CELA1: variants seen among roughly 807,000 people sequenced by gnomAD.
CELA1 encodes the protein chymotrypsin like elastase 1, also known as chymotrypsin-like elastase family member 1.
In CELA1, 28 loss-of-function variants were observed where a neutral mutation model predicts 34.8. The observed-to-expected ratio is 0.80, with a 90% confidence interval of 0.60 to 1.10. The LOEUF is 1.10. CELA1 is among the 50% of genes least tolerant of loss of function. CELA1 has a pLI of 0.00. For synonymous variants in CELA1, 140 were observed against 129.8 expected (o/e 1.08, Z -0.53); for missense variants, 288 against 327.5 (o/e 0.88, Z 0.93).
intron 6 of CELA1, among the ~76,000 whole-genome samples, chr12:51,339,603 C>A (rs1275466255): frequency 6.6e-6 from 1 of 152,140 alleles, no homozygotes; most frequent in South Asian, 2.1e-4. Context: ...ATACCAACAA[C>A]AACATATAAA....
At chr12:51,340,515 G>A (rs1469322351) in intron 5 of CELA1, among the ~76,000 whole-genome samples, 1 of 151,150 alleles carries the variant, frequency 6.6e-6, no homozygotes, top group African/African-American at 2.4e-5. Flanking sequence ...TCAGCCTGCC[G>A]AGTAGCTGGG....
At position 51,340,007 on chromosome 12, in the gene CELA1, T is replaced by C; in HGVS notation, c.464-2A>G. 1.2e-6 allele frequency: 2 copies of C among 1,612,904 alleles called. No homozygotes were observed. The highest frequency in any genetic ancestry group is 1.7e-6 in the Non-Finnish European group (2 of 1,179,448). On this transcript the variant is annotated splice_acceptor_variant, in intron 5 of 7. Coordinates refer to ENST00000293636, the MANE Select transcript of CELA1 (RefSeq NM_001971.6). LOFTEE classifies it high-confidence loss of function. ...GGGTCTGGGCCAGCTGCCCATTGGCTGAACAGGACACACGGCATTGGCAGT... is the reference window on the plus strand; with the variant it reads ...GGGTCTGGGCCAGCTGCCCATTGGCCGAACAGGACACACGGCATTGGCAGT...
At chr12:51,337,520 G>C (rs1225288535) in intron 6 of CELA1, among the ~76,000 whole-genome samples, 3 of 107,852 alleles carry the variant, frequency 2.8e-5, no homozygotes, top group African/African-American at 3.7e-5. Flanking sequence ...CTGAGTGACA[G>C]AGCAAGACCT....
At chr12:51,337,861 T>C (rs1020153867) in intron 6 of CELA1, among the ~76,000 whole-genome samples, 7 of 147,964 alleles carry the variant, frequency 4.7e-5, no homozygotes, top group Admixed American at 1.4e-4. Context: ...AAGTGAACCA[T>C]GATGGTACAA....
At chr12:51,336,727 T>G (rs1005743139) in intron 6 of CELA1, among the ~76,000 whole-genome samples, 2 of 152,148 alleles carry the variant, frequency 1.3e-5, no homozygotes, top group Admixed American at 1.3e-4. Context: ...CTCATCATCT[T>G]CTCTCTCAAA....
intron 1 of CELA1, 62 bp from the exon 2 acceptor site, chr12:51,345,939 G>C (rs564811658): frequency 2.6e-6 from 3 of 1,148,664 alleles, no homozygotes; most frequent in African/African-American, 3.1e-5. Flanking sequence ...GGGTAGGGGT[G>C]GGGGGTGGCG....
chr12:51,345,388 C>T (rs1315582289), intron 2 of CELA1, among the ~76,000 whole-genome samples: 1 of 152,144 alleles, frequency 6.6e-6, no homozygotes, highest in African/African-American at 2.4e-5. Flanking sequence ...AAGCAGCATG[C>T]TGTACGTGTG....
intron 3 of CELA1, among the ~76,000 whole-genome samples, chr12:51,343,428 G>A (rs1421137319): frequency 2.0e-5 from 3 of 152,182 alleles, no homozygotes; most frequent in African/African-American, 4.8e-5. Context: ...GTCAGACATT[G>A]ACTAGGCACT....
intron 2 of CELA1, among the ~76,000 whole-genome samples, chr12:51,345,393 C>CGTGTGT (rs149535487): frequency 2.7e-4 from 41 of 150,812 alleles, no homozygotes; most frequent in African/African-American, 6.3e-4. Flanking sequence ...GCATGCTGTA[C>CGTGTGT]GTGTGTGTGT....
chr12:51,343,914 G>T, intron 2 of CELA1, 61 bp from the exon 3 acceptor site: 1 of 875,470 alleles, frequency 1.1e-6, no homozygotes, highest in Non-Finnish European at 1.9e-6. Flanking sequence ...TTTGCCCCAG[G>T]TCGGTTGCAG....
At chr12:51,330,184 G>A (rs182442654) in intron 6 of CELA1, among the ~76,000 whole-genome samples, 4 of 152,174 alleles carry the variant, frequency 2.6e-5, no homozygotes, top group Admixed American at 1.3e-4. Flanking sequence ...AAGTTCAATC[G>A]CTTTTATTGG....
intron 6 of CELA1, among the ~76,000 whole-genome samples, chr12:51,338,251 A>ACATAC (rs1409272839): frequency 1.9e-4 from 12 of 64,134 alleles, no homozygotes; most frequent in South Asian, 4.4e-4. Context: ...AAAAAAAAAA[A>ACATAC]ACATACACAC....
chr12:51,345,648 C>T (rs1946561141), intron 2 of CELA1, 147 bp downstream of exon 2: 3 of 714,056 alleles, frequency 4.2e-6, no homozygotes, highest in South Asian at 3.2e-5. Flanking sequence ...ACCACCTAAG[C>T]CTGATCCCAT....
At chr12:51,339,272 T>C in intron 6 of CELA1, among the ~76,000 whole-genome samples, 1 of 144,202 alleles carries the variant, frequency 6.9e-6, no homozygotes, top group Non-Finnish European at 1.5e-5. Flanking sequence ...CAAATTTGGC[T>C]GGGCATGGTG....
chr12:51,330,523 A>G lies in CELA1; in HGVS notation c.610-690T>C, dbSNP rs17860356. On this transcript the variant is annotated intron_variant, in intron 6 of 7. Transcript: ENST00000293636. ...AAGATACTGACATTGGAGGTCCTCC[A>G]CTAAAATGGCCTAGCCAGATCACCT... Among the ~76,000 whole-genome samples, 250 of 152,340 alleles carry G rather than the reference A, an allele frequency of 1.6e-3. 1 individual carries two copies. Among genetic ancestry groups the G allele is most frequent in the Middle Eastern group, 3.4e-3 (1 of 294 alleles).
In CELA1 at chr12:51,345,864, C is replaced by G. The variant is rs17860287; in HGVS notation, c.30G>C (p.Gln10His). The G allele has an allele frequency of 0.097, 150,882 of 1,557,270 alleles. 7,707 individuals are homozygous for G. Among genetic ancestry groups the G allele is most frequent in the Non-Finnish European group, 0.11 (122,127 of 1,149,534 alleles). The change falls in exon 2 of 8, where the codon CAG becomes CAC. Residue 10 changes from glutamine (Q) to histidine (H), a missense_variant. Coordinates refer to ENST00000293636, the MANE Select transcript of CELA1 (RefSeq NM_001971.6). MLVLYGHSTQDLPETNARVV... is the reference protein window; with the variant it reads MLVLYGHSTHDLPETNARVV... ...CGCGGGCATTGGTTTCCGGAAGGTC[C>G]TGGGTGCTGTGTCCTTTGTGGGGCA... is the stretch of plus-strand genomic sequence containing the variant.
At chr12:51,342,784 T>A in intron 3 of CELA1, 84 bp from the exon 4 acceptor site, 1 of 1,316,978 alleles carries the variant, frequency 7.6e-7, no homozygotes, top group Non-Finnish European at 1.0e-6. Flanking sequence ...AAAAACCATC[T>A]TTTTTTTTAA....
intron 6 of CELA1, among the ~76,000 whole-genome samples, chr12:51,335,476 G>A (rs904227782): frequency 2.0e-5 from 3 of 151,062 alleles, no homozygotes; most frequent in Non-Finnish European, 3.0e-5. Context: ...GGCTGGTCTC[G>A]AACTCCTGAC....
chr12:51,344,379 C>T lies in CELA1; in HGVS notation c.100-526G>A, dbSNP rs2137484402. ...TGTAACTCCTTTTTTGGAACTCCTT[C>T]TACCTCTGTTCTCCCTTAAAGAGGA... is the stretch of plus-strand genomic sequence containing the variant. On this transcript the variant is annotated intron_variant, in intron 2 of 7. Transcript: ENST00000293636. Among the ~76,000 whole-genome samples the T allele has an allele frequency of 1.3e-5, 2 of 152,286 alleles. 1 individual carries two copies. The highest frequency in any genetic ancestry group is 4.1e-4 in the South Asian group (2 of 4,826).
Sources: allele counts gnomAD v4.1 joint callset (sites outside exome capture counted in the v4.1 genomes callset), GRCh38; gene constraint gnomAD v4.1.1; transcripts MANE v1.5; gene names NCBI Gene and HGNC (gene_info 2026-07-23, HGNC 2026-07-21).